The following SDC2 variants were observed in gnomAD, a reference collection of about 807,000 sequenced individuals.
The protein encoded by SDC2 is syndecan 2.
A neutral mutation model predicts 22.2 loss-of-function variants in SDC2; 13 were observed. The observed-to-expected ratio is 0.59, with a 90% CI of 0.38 to 0.93. The LOEUF is 0.93. Ranked by LOEUF, SDC2 falls within the 40% of genes least tolerant of loss-of-function variation. The probability of loss-of-function intolerance (pLI) is 0.00; values close to 1 mark genes in which losing one functional copy is unlikely to be tolerated. For missense variants in SDC2, 235 were observed against 246.8 expected (o/e 0.95, Z 0.32); for synonymous variants, 94 against 92.8 (o/e 1.01, Z -0.07).
At chr8:96,521,399 G>A (rs2130460383) in intron 1 of SDC2, among the ~76,000 whole-genome samples, 1 of 152,322 alleles carries the variant, frequency 6.6e-6, no homozygotes, top group East Asian at 1.9e-4. Context: ...AGGAGGGAAA[G>A]CTCGGATCTA....
intron 1 of SDC2, among the ~76,000 whole-genome samples, chr8:96,543,003 G>A (rs1335963498): frequency 1.3e-5 from 2 of 152,170 alleles, no homozygotes; most frequent in Non-Finnish European, 2.9e-5. Flanking sequence ...ACTTAGGCAG[G>A]CTGCTGGAGA....
intron 3 of SDC2, among the ~76,000 whole-genome samples, chr8:96,607,017 C>T (rs1815091656): frequency 6.6e-6 from 1 of 152,148 alleles, no homozygotes; most frequent in Non-Finnish European, 1.5e-5. Flanking sequence ...TCAGTGGAGG[C>T]GTGCCATTCC....
intron 1 of SDC2, among the ~76,000 whole-genome samples, chr8:96,533,047 T>C (rs1813692009): frequency 6.6e-6 from 1 of 152,182 alleles, no homozygotes; most frequent in African/African-American, 2.4e-5. Context: ...TTGTTCCTTC[T>C]GATGTTTAGA....
chr8:96,584,269 G>A (rs2130613116), intron 1 of SDC2, among the ~76,000 whole-genome samples: 1 of 152,342 alleles, frequency 6.6e-6, no homozygotes, highest in East Asian at 1.9e-4. Flanking sequence ...AGCCTGGAAA[G>A]GTGTGGTCTG....
chr8:96,565,746 G>A (rs926391454), intron 1 of SDC2, among the ~76,000 whole-genome samples: 6 of 152,122 alleles, frequency 3.9e-5, no homozygotes, highest in African/African-American at 1.4e-4. Flanking sequence ...GATTGGAAAG[G>A]CTGGGTAGAT....
intron 1 of SDC2, among the ~76,000 whole-genome samples, chr8:96,549,856 T>C (rs1037702316): frequency 6.6e-6 from 1 of 152,244 alleles, no homozygotes; most frequent in East Asian, 1.9e-4. Context: ...ACTGTTATAA[T>C]GTGTGGCATA....
Position 96,576,374 on chromosome 8 carries a change from G to GTTTTTTTTTTTTTTTT in SDC2, c.61-17102_61-17101insTTTTTTTTTTTTTTTT, listed in dbSNP as rs1225034584. Reference sequence around the variant, plus strand: ...GTTCAATAATTGGTAGTTTGTTTTTGTTTTGTTTTGTTTTTTTTTACCAGA... The same window carrying GTTTTTTTTTTTTTTTT: ...GTTCAATAATTGGTAGTTTGTTTTTGTTTTTTTTTTTTTTTTTTTTGTTTTGTTTTTTTTTACCAGA... On this transcript the variant is annotated intron_variant, in intron 1 of 4. Coordinates refer to ENST00000302190, the MANE Select transcript of SDC2 (RefSeq NM_002998.4). 1.2e-3 allele frequency among the ~76,000 whole-genome samples: 48 copies of GTTTTTTTTTTTTTTTT among 40,608 alleles called. 7 individuals are homozygous for GTTTTTTTTTTTTTTTT. The highest frequency in any genetic ancestry group is 2.2e-3 in the African/African-American group (25 of 11,480). The allele number at this position is 40,608 out of a possible 152,430, so 26.6% of individuals were successfully genotyped here. A position where few individuals can be genotyped will look rare whatever the true frequency, so the allele number is the denominator to read the frequency against.
At chr8:96,587,605 C>G (rs1814708164) in intron 1 of SDC2, among the ~76,000 whole-genome samples, 1 of 152,076 alleles carries the variant, frequency 6.6e-6, no homozygotes, top group South Asian at 2.1e-4. Context: ...CAGGCATCTT[C>G]CATGTAGGAA....
chr8:96,536,567 C>T (rs7823147), intron 1 of SDC2, among the ~76,000 whole-genome samples: 4,491 of 152,314 alleles, frequency 0.029, 212 homozygotes, highest in African/African-American at 0.1. Flanking sequence ...AGCAGTCCCC[C>T]TCCCTTGGCC....
At chr8:96,609,339 A>C in intron 4 of SDC2, 46 bp from the exon 5 acceptor site, 1 of 1,506,276 alleles carries the variant, frequency 6.6e-7, no homozygotes, top group Non-Finnish European at 9.0e-7. Context: ...TAATGTCTGC[A>C]ACCCTTGAAT....
intron 2 of SDC2, among the ~76,000 whole-genome samples, chr8:96,597,318 G>C (rs1289877511): frequency 1.3e-5 from 2 of 152,204 alleles, no homozygotes; most frequent in Non-Finnish European, 2.9e-5. Flanking sequence ...CCAATTCAAA[G>C]AGAGTGGCAT....
rs1391488956 is a variant in SDC2 at position 96,609,791 on chromosome 8, G to A, written c.*243G>A. 7 of 325,724 alleles carry A rather than the reference G, an allele frequency of 2.1e-5. No individual in the cohort carries two copies. The highest frequency in any genetic ancestry group is 3.9e-5 in the Non-Finnish European group (7 of 181,222). The allele number at this position is 325,724 out of a possible 1,614,324, so 20.2% of individuals were successfully genotyped here. ...AAAATATTATGTTATGAAAACCCTC[G>A]ATGTTCATGGAATTGGTTTAAACTT... On this transcript the variant is annotated 3_prime_UTR_variant, in exon 5 of 5. Transcript: ENST00000302190.
intron 2 of SDC2, among the ~76,000 whole-genome samples, chr8:96,598,645 A>G (rs10097351): frequency 0.18 from 26,913 of 152,020 alleles, 2,705 homozygotes; most frequent in African/African-American, 0.27. Context: ...ACAAAAAAAA[A>G]TAAGAGAATG....
intron 1 of SDC2, among the ~76,000 whole-genome samples, chr8:96,502,287 GC>G (rs1813178171): frequency 6.6e-6 from 1 of 152,066 alleles, no homozygotes; most frequent in Non-Finnish European, 1.5e-5. Flanking sequence ...AGGGGAAACC[GC>G]CCCCATGTTT....
intron 2 of SDC2, among the ~76,000 whole-genome samples, chr8:96,594,706 A>G (rs141344936): frequency 1.9e-3 from 285 of 152,316 alleles, no homozygotes; most frequent in Non-Finnish European, 3.0e-3. Context: ...CTAACAACAC[A>G]GGGACTGGGT....
rs575184716 is a variant in SDC2 at position 96,592,976 on chromosome 8, C to T, written c.61-504C>T. ...GTGACTGGGGATCTCTCATCTGTAGCGGTAAAGTTCTGAGTATTGCCAGGC... is the reference window on the plus strand; with the variant it reads ...GTGACTGGGGATCTCTCATCTGTAGTGGTAAAGTTCTGAGTATTGCCAGGC... On this transcript the variant is annotated intron_variant, in intron 1 of 4. Transcript: ENST00000302190. 1.2e-4 allele frequency among the ~76,000 whole-genome samples: 19 copies of T among 152,286 alleles called. 1 individual carries two copies. Among genetic ancestry groups the T allele is most frequent in the Admixed American group, 9.8e-4 (15 of 15,298 alleles).
At position 96,611,371 on chromosome 8, in the gene SDC2, T is replaced by C. The variant is rs1815173055; in HGVS notation, c.*1823T>C. 1 of 152,662 alleles carries C rather than the reference T, an allele frequency of 6.6e-6. No homozygotes were observed. The highest frequency in any genetic ancestry group is 2.4e-5 in the African/African-American group (1 of 41,470). The allele number at this position is 152,662 out of a possible 1,614,324, so 9.5% of individuals were successfully genotyped here. ...AACATACAATTTACTTTTAATAAAGTATGAATATTTCATTTTGAGAACATT... is the reference window on the plus strand; with the variant it reads ...AACATACAATTTACTTTTAATAAAGCATGAATATTTCATTTTGAGAACATT... On this transcript the variant is annotated 3_prime_UTR_variant, in exon 5 of 5. Transcript: ENST00000302190.
At chr8:96,540,414 A>G (rs978783389) in intron 1 of SDC2, among the ~76,000 whole-genome samples, 1 of 149,030 alleles carries the variant, frequency 6.7e-6, no homozygotes, top group Admixed American at 6.7e-5. Flanking sequence ...GAAGGCTGAG[A>G]TGGGAGGATC....
intron 1 of SDC2, among the ~76,000 whole-genome samples, chr8:96,550,698 T>C (rs1194878048): frequency 6.6e-6 from 1 of 152,142 alleles, no homozygotes; most frequent in Non-Finnish European, 1.5e-5. Context: ...TATAGGCAGA[T>C]TTCATTAGCA....
Sources: gnomAD v4.1 joint callset for allele counts (sites outside exome capture counted in the v4.1 genomes callset) on GRCh38, gnomAD v4.1.1 for gene constraint, MANE v1.5 for transcripts, NCBI Gene and HGNC (gene_info 2026-07-23, HGNC 2026-07-21) for gene names.